Variants in LMX1B observed in about 807,000 individuals in gnomAD.
LMX1B encodes the protein LIM homeobox transcription factor 1 beta, also known as LIM homeobox transcription factor 1-beta.
LMX1B carries 12 observed loss-of-function variants against 51.4 expected under a neutral mutation model. The ratio of observed to expected loss-of-function variants is 0.23; its 90% CI spans 0.15 to 0.38. LMX1B has a LOEUF of 0.38. Ranked by LOEUF, LMX1B falls within the 10% of genes least tolerant of loss-of-function variation. The pLI, the probability that LMX1B is intolerant of heterozygous loss-of-function variation, is 1.00. For synonymous variants in LMX1B, 237 were observed against 235.4 expected (o/e 1.01, Z -0.06); for missense variants, 445 against 571.1 (o/e 0.78, Z 2.25).
rs563572406 is a variant in LMX1B at position 126,614,438 on chromosome 9, G to T, written c.-12G>T. The stretch of plus-strand genomic sequence containing the variant: ...GCCCGGCCGGCGGGGTCCGCAGCGC[G>T]CCCCGCGTCCCATGGATATAGCAAC... On this transcript the variant is annotated 5_prime_UTR_variant, in exon 1 of 8. Transcript: ENST00000373474. The T allele has an allele frequency of 1.5e-5, 22 of 1,482,762 alleles. No homozygotes were observed. In the South Asian group the frequency reaches 2.5e-4, roughly 17 times the overall value. The allele number at this position is 1,482,762 out of a possible 1,614,324, so 91.9% of individuals were successfully genotyped here.
At chr9:126,668,091 G>C (rs1358568174) in intron 2 of LMX1B, among the ~76,000 whole-genome samples, 1 of 152,186 alleles carries the variant, frequency 6.6e-6, no homozygotes, top group African/African-American at 2.4e-5. Context: ...AAGGAGCTGA[G>C]TGTCCTGGCA....
chr9:126,684,810 C>T (rs1402637611), intron 2 of LMX1B, among the ~76,000 whole-genome samples: 3 of 152,124 alleles, frequency 2.0e-5, no homozygotes, highest in Non-Finnish European at 4.4e-5. Flanking sequence ...GACTCCCAGC[C>T]CTGCAGGAGG....
chr9:126,629,549 T>A (rs1467090208), intron 2 of LMX1B, among the ~76,000 whole-genome samples: 8 of 151,540 alleles, frequency 5.3e-5, no homozygotes, highest in Admixed American at 5.3e-4. Context: ...TTTGGGAGGG[T>A]GGAGTCTGGC....
intron 3 of LMX1B, 70 bp downstream of exon 3, chr9:126,691,138 C>A: frequency 7.9e-7 from 1 of 1,260,128 alleles, no homozygotes. Flanking sequence ...GAGGGGAGTC[C>A]CGGCTGGAGA....
chr9:126,637,021 G>C (rs1835725630), intron 2 of LMX1B, among the ~76,000 whole-genome samples: 1 of 152,222 alleles, frequency 6.6e-6, no homozygotes, highest in South Asian at 2.1e-4. Context: ...GACTGGCCCA[G>C]CCTGGCATAG....
At position 126,618,841 on chromosome 9, in the gene LMX1B, G is replaced by C. The variant is rs1439271146; in HGVS notation, c.326+3272G>C. ...GTCCAAAAATCTGTCACAAAATGGA[G>C]TCTAATCGCTTGTAAGACAGCTCCC... is the stretch of plus-strand genomic sequence containing the variant. On this transcript the variant is annotated intron_variant, in intron 2 of 7. Transcript: ENST00000373474. This position sits in a 1 kb window ranked among gnomAD's most constrained non-coding sequence, Gnocchi z 4.5. Among the ~76,000 whole-genome samples, 1 of 152,120 alleles carries C rather than the reference G, an allele frequency of 6.6e-6. No individual in the cohort carries two copies. The highest frequency in any genetic ancestry group is 6.5e-5 in the Admixed American group (1 of 15,278).
chr9:126,666,653 T>C (rs564222724), intron 2 of LMX1B, among the ~76,000 whole-genome samples: 1 of 152,368 alleles, frequency 6.6e-6, no homozygotes, highest in Non-Finnish European at 1.5e-5. Flanking sequence ...CTATGTGCTG[T>C]ACGCTGATAA....
intron 2 of LMX1B, among the ~76,000 whole-genome samples, chr9:126,665,294 C>T (rs999548721): frequency 1.3e-5 from 2 of 152,212 alleles, no homozygotes; most frequent in African/African-American, 4.8e-5. Flanking sequence ...TGTTGGGCCT[C>T]CCCCTGGAGC....
rs1835276977 is a variant in LMX1B at position 126,615,145 on chromosome 9, C to T, written c.140-238C>T. The stretch of plus-strand genomic sequence containing the variant: ...GCGGATTCTCCGGAGAAGGGGAGAG[C>T]ACAGCGCCGAGCCAAGGCTCGAGGC... On this transcript the variant is annotated intron_variant, in intron 1 of 7. Coordinates refer to ENST00000373474, the MANE Select transcript of LMX1B (RefSeq NM_001174147.2). The surrounding 1 kb of genome is among the most constrained non-coding windows in gnomAD (Gnocchi z 6.0). Among the ~76,000 whole-genome samples the T allele has an allele frequency of 6.6e-6, 1 of 152,030 alleles. No individual in the cohort carries two copies.
intron 2 of LMX1B, among the ~76,000 whole-genome samples, chr9:126,634,625 A>G (rs549582770): frequency 6.6e-6 from 1 of 152,138 alleles, no homozygotes; most frequent in Non-Finnish European, 1.5e-5. Flanking sequence ...TGCCACATCC[A>G]TGAGCCACTG....
At chr9:126,643,411 C>T (rs866229953) in intron 2 of LMX1B, among the ~76,000 whole-genome samples, 2 of 152,252 alleles carry the variant, frequency 1.3e-5, no homozygotes, top group South Asian at 4.2e-4. Context: ...GACCCTGGCT[C>T]AGTCACTGCC....
intron 2 of LMX1B, among the ~76,000 whole-genome samples, chr9:126,690,598 C>T (rs1425975041): frequency 6.6e-6 from 1 of 152,210 alleles, no homozygotes; most frequent in Non-Finnish European, 1.5e-5. Context: ...AGCTGCCACG[C>T]CCGGGACAGG....
chr9:126,649,854 C>T (rs10819191), intron 2 of LMX1B, among the ~76,000 whole-genome samples: 52,324 of 152,098 alleles, frequency 0.34, 10,710 homozygotes, highest in East Asian at 0.95. Flanking sequence ...TCTCAAACTC[C>T]TGAGCTCAAG....
rs1198036003 is a variant in LMX1B at position 126,699,301 on chromosome 9, C to T, written c.*2850C>T. ...CAGGGACGTTGTGCCCCACTGTCCCCTGTGGTTTGTGAATGACCTCCAGGT... is the reference window on the plus strand; with the variant it reads ...CAGGGACGTTGTGCCCCACTGTCCCTTGTGGTTTGTGAATGACCTCCAGGT... On this transcript the variant is annotated 3_prime_UTR_variant, in exon 8 of 8. Coordinates refer to ENST00000373474, the MANE Select transcript of LMX1B (RefSeq NM_001174147.2). The T allele has an allele frequency of 6.6e-6, 1 of 152,240 alleles. No homozygotes were observed. Among genetic ancestry groups the T allele is most frequent in the Non-Finnish European group, 1.5e-5 (1 of 68,066 alleles). The allele number at this position is 152,240 out of a possible 1,614,324, so 9.4% of individuals were successfully genotyped here.
At chr9:126,617,196 C>T (rs1346546402) in intron 2 of LMX1B, among the ~76,000 whole-genome samples, 1 of 152,036 alleles carries the variant, frequency 6.6e-6, no homozygotes, top group Non-Finnish European at 1.5e-5. Context: ...GCTAGAGGAG[C>T]CCCTCTGTAG....
chr9:126,663,005 C>G (rs112900352), intron 2 of LMX1B, among the ~76,000 whole-genome samples: 17 of 152,296 alleles, frequency 1.1e-4, no homozygotes, highest in African/African-American at 3.9e-4. Flanking sequence ...CACTTGGGAT[C>G]TGGAGAGGAG....
intron 2 of LMX1B, among the ~76,000 whole-genome samples, chr9:126,619,731 G>T (rs1835373475): frequency 6.6e-6 from 1 of 152,176 alleles, no homozygotes; most frequent in Non-Finnish European, 1.5e-5. Context: ...GCTGAACGGA[G>T]GCATTATTCA....
At chr9:126,651,297 TG>T (rs1554724743) in intron 2 of LMX1B, among the ~76,000 whole-genome samples, 39 of 108,044 alleles carry the variant, frequency 3.6e-4, no homozygotes, top group South Asian at 1.8e-3. Flanking sequence ...AAGGAGGGAC[TG>T]GGGGGGGTGG....
In LMX1B at chr9:126,614,133, T is replaced by G. The variant is rs1253462830; in HGVS notation, c.-317T>G. On this transcript the variant is annotated 5_prime_UTR_variant, in exon 1 of 8. Transcript: ENST00000373474. ...CGCCACCGCCACCGCCGCCGCCGCC[T>G]CCTCCCCGCGGCTCCGTCTGCAGCA... 4.1e-5 allele frequency among the ~76,000 whole-genome samples: 5 copies of G among 121,232 alleles called. No homozygotes were observed. Among genetic ancestry groups the G allele is most frequent in the African/African-American group, 1.2e-4 (4 of 32,420 alleles). 79.5% of individuals were successfully genotyped at this position (121,232 alleles called of 152,430 possible).
Sources: allele counts gnomAD v4.1 joint callset (sites outside exome capture counted in the v4.1 genomes callset), GRCh38; gene constraint gnomAD v4.1.1; non-coding constraint Gnocchi (gnomAD v3.1); transcripts MANE v1.5; gene names NCBI Gene and HGNC (gene_info 2026-07-23, HGNC 2026-07-21).